Variants in IMMP2L observed in about 807,000 individuals in gnomAD.
IMMP2L encodes the protein mitochondrial inner membrane protease subunit 2.
In IMMP2L, 18 loss-of-function variants were observed where a neutral mutation model predicts 19.3. That is an observed-to-expected ratio of 0.93 (90% CI 0.64 to 1.38). The LOEUF (loss-of-function observed/expected upper bound fraction) is 1.38. IMMP2L is among the 40% of genes most tolerant of loss of function. The pLI is 0.00. For synonymous variants in IMMP2L, 76 were observed against 73.0 expected, an observed-to-expected ratio of 1.04 and a Z score of -0.21; for missense variants, 233 against 218.2, an observed-to-expected ratio of 1.07 and a Z score of -0.43.
At chr7:111,238,634 A>G (rs1295403451) in intron 3 of IMMP2L, among the ~76,000 whole-genome samples, 1 of 151,988 alleles carries the variant, frequency 6.6e-6, no homozygotes, top group African/African-American at 2.4e-5. Flanking sequence ...AGAGTGATAA[A>G]AGACCCCTCA....
At chr7:110,729,182 C>A (rs182645420) in intron 5 of IMMP2L, among the ~76,000 whole-genome samples, 1 of 152,074 alleles carries the variant, frequency 6.6e-6, no homozygotes, top group African/African-American at 2.4e-5. Flanking sequence ...TGTGCCCAGC[C>A]GTATTAGTCT....
In IMMP2L at chr7:111,140,599, G is replaced by A. The variant is rs367646294; in HGVS notation, c.240-177034C>T. On this transcript the variant is annotated intron_variant, in intron 3 of 5. Coordinates refer to ENST00000405709, the MANE Select transcript of IMMP2L (RefSeq NM_032549.4). ...GAAAGCTAAGAAATGTAATTGGGAA[G>A]GGCTAAATAAGTTAACAGGGCCAAG... Among the ~76,000 whole-genome samples, 31 of 152,296 alleles carry A rather than the reference G, an allele frequency of 2.0e-4. 1 individual carries two copies. The highest frequency in any genetic ancestry group is 1.9e-3 in the East Asian group (10 of 5,180).
At chr7:111,416,802 G>A (rs1700805773) in intron 3 of IMMP2L, among the ~76,000 whole-genome samples, 1 of 151,574 alleles carries the variant, frequency 6.6e-6, no homozygotes, top group South Asian at 2.1e-4. Flanking sequence ...ATCATATGTA[G>A]TATAAAATTA....
intron 3 of IMMP2L, among the ~76,000 whole-genome samples, chr7:111,059,616 G>A (rs1793831118): frequency 6.6e-6 from 1 of 152,032 alleles, no homozygotes; most frequent in African/African-American, 2.4e-5. Flanking sequence ...AACATATAAG[G>A]CACTCAAATG....
intron 4 of IMMP2L, among the ~76,000 whole-genome samples, chr7:110,900,139 A>G (rs1237870887): frequency 6.6e-6 from 1 of 152,214 alleles, no homozygotes; most frequent in Non-Finnish European, 1.5e-5. Flanking sequence ...TGTCTGACCC[A>G]TAAGAAATTG....
intron 5 of IMMP2L, among the ~76,000 whole-genome samples, chr7:110,754,680 A>G (rs566443498): frequency 2.6e-4 from 40 of 152,238 alleles, no homozygotes; most frequent in African/African-American, 8.9e-4. Flanking sequence ...AATCAAACTC[A>G]TAAAATAATG....
At chr7:111,514,940 TGACC>T (rs1235806776) in intron 2 of IMMP2L, among the ~76,000 whole-genome samples, 1 of 152,098 alleles carries the variant, frequency 6.6e-6, no homozygotes, top group African/African-American at 2.4e-5. Flanking sequence ...GTGCTTTGCT[TGACC>T]ATTTTAGATA....
chr7:111,533,845 GAT>G (rs1847625692), intron 1 of IMMP2L, among the ~76,000 whole-genome samples: 1 of 151,846 alleles, frequency 6.6e-6, no homozygotes, highest in Non-Finnish European at 1.5e-5. Context: ...GATAAATACT[GAT>G]AGATTTCACT....
chr7:110,823,941 T>C (rs562108576), intron 5 of IMMP2L, among the ~76,000 whole-genome samples: 1 of 152,240 alleles, frequency 6.6e-6, no homozygotes, highest in South Asian at 2.1e-4. Context: ...GTCTGATCTA[T>C]GATATTTCTT....
chr7:111,501,309 A>C (rs1844224998), intron 2 of IMMP2L, among the ~76,000 whole-genome samples: 2 of 152,144 alleles, frequency 1.3e-5, no homozygotes, highest in Admixed American at 1.3e-4. Context: ...GCCTCCAAGA[A>C]ATATGGGACT....
At chr7:111,546,456 T>C (rs1459448214) in intron 1 of IMMP2L, among the ~76,000 whole-genome samples, 1 of 152,190 alleles carries the variant, frequency 6.6e-6, no homozygotes, top group African/African-American at 2.4e-5. Context: ...TGTCCATTTT[T>C]CTATCCAATT....
chr7:110,898,597 A>T (rs1392115031), intron 4 of IMMP2L, among the ~76,000 whole-genome samples: 1 of 152,162 alleles, frequency 6.6e-6, no homozygotes, highest in East Asian at 1.9e-4. Context: ...ACAAAAACAA[A>T]AACACAAACA....
chr7:111,231,185 G>A (rs1813679034), intron 3 of IMMP2L, among the ~76,000 whole-genome samples: 1 of 151,868 alleles, frequency 6.6e-6, no homozygotes. Context: ...GTGAAACATG[G>A]ATCTGTCTCC....
At chr7:110,902,147 TA>T (rs1425563731) in intron 4 of IMMP2L, among the ~76,000 whole-genome samples, 2 of 151,942 alleles carry the variant, frequency 1.3e-5, no homozygotes, top group African/African-American at 4.8e-5. Context: ...TAAGGGGGAT[TA>T]AAATTTTAAG....
chr7:111,113,674 C>T (rs1438392178), intron 3 of IMMP2L, among the ~76,000 whole-genome samples: 1 of 151,680 alleles, frequency 6.6e-6, no homozygotes, highest in East Asian at 1.9e-4. Context: ...CAAATGTTTT[C>T]ATCTGAAATG....
At chr7:110,666,389 C>T (rs893691910) in intron 5 of IMMP2L, among the ~76,000 whole-genome samples, 6 of 152,262 alleles carry the variant, frequency 3.9e-5, no homozygotes, top group Middle Eastern at 3.4e-3. Context: ...ATTCTCCTGC[C>T]TCAGCCTCCT....
At chr7:111,278,309 A>C (rs1452773009) in intron 3 of IMMP2L, among the ~76,000 whole-genome samples, 1 of 152,234 alleles carries the variant, frequency 6.6e-6, no homozygotes. Flanking sequence ...AGAGAAAATT[A>C]TACTCTTTAT....
chr7:111,467,954 A>C (rs1345359737), intron 3 of IMMP2L, among the ~76,000 whole-genome samples: 1 of 152,174 alleles, frequency 6.6e-6, no homozygotes, highest in East Asian at 1.9e-4. Context: ...TTGGCTAAGA[A>C]GAAAAATATG....
chr7:110,886,241 C>T (rs973854894), intron 5 of IMMP2L, among the ~76,000 whole-genome samples: 10 of 152,072 alleles, frequency 6.6e-5, no homozygotes, highest in African/African-American at 2.4e-4. Context: ...AGGTCTTGTA[C>T]ACATTGTCTG....
Sources: allele counts gnomAD v4.1 joint callset (sites outside exome capture counted in the v4.1 genomes callset), GRCh38; gene constraint gnomAD v4.1.1; transcripts MANE v1.5; gene names NCBI Gene and HGNC (gene_info 2026-07-23, HGNC 2026-07-21).